Variants in FOXP2 observed in about 807,000 individuals in gnomAD.
The protein encoded by FOXP2 is forkhead box protein P2.
A neutral mutation model predicts 115.8 loss-of-function variants in FOXP2; 12 were observed. That is an observed-to-expected ratio of 0.10 (90% CI 0.07 to 0.17). The LOEUF is 0.17. Ranked by LOEUF, FOXP2 falls within the 10% of genes least tolerant of loss-of-function variation. The probability of loss-of-function intolerance (pLI) is 1.00; values close to 1 mark genes in which losing one functional copy is unlikely to be tolerated. For synonymous variants in FOXP2, 328 were observed against 297.7 expected, an observed-to-expected ratio of 1.10 and a Z score of -1.05; for missense variants, 629 against 843.5, an observed-to-expected ratio of 0.75 and a Z score of 3.15.
chr7:114,541,637 A>AATAGGG (rs1371056970), intron 3 of FOXP2, among the ~76,000 whole-genome samples: 1 of 151,906 alleles, frequency 6.6e-6, no homozygotes, highest in Non-Finnish European at 1.5e-5. Flanking sequence ...ATAAATAGAA[A>AATAGGG]ATAGGGAATT....
At chr7:114,587,186 C>T (rs1802182412) in intron 3 of FOXP2, among the ~76,000 whole-genome samples, 1 of 151,868 alleles carries the variant, frequency 6.6e-6, no homozygotes, top group African/African-American at 2.4e-5. Context: ...GTTTTAAGAC[C>T]TGCATGCATT....
chr7:114,622,136 G>T lies in FOXP2; in HGVS notation c.259-6404G>T, dbSNP rs146658573. ...CAGTGTAAAGCGCAAAAAGCTGAGA[G>T]ACTGTAATATCTGAGGTTCTACTGT... On this transcript the variant is annotated intron_variant, in intron 3 of 16. Coordinates refer to ENST00000350908, the MANE Select transcript of FOXP2 (RefSeq NM_014491.4). 5.8e-3 allele frequency among the ~76,000 whole-genome samples: 880 copies of T among 152,026 alleles called. 7 individuals carry two copies. The highest frequency in any genetic ancestry group is 0.02 in the African/African-American group (816 of 41,512).
chr7:114,550,984 T>G (rs1800177579), intron 3 of FOXP2, among the ~76,000 whole-genome samples: 1 of 152,022 alleles, frequency 6.6e-6, no homozygotes, highest in Non-Finnish European at 1.5e-5. Flanking sequence ...TAATAAATCT[T>G]TTTTTCTACC....
chr7:114,146,943 A>T (rs1479165904), intron 1 of FOXP2, among the ~76,000 whole-genome samples: 1 of 152,210 alleles, frequency 6.6e-6, no homozygotes, highest in East Asian at 1.9e-4. Context: ...TGTTGTGGTA[A>T]CCAGTTGTAT....
intron 2 of FOXP2, among the ~76,000 whole-genome samples, chr7:114,428,234 G>C (rs1793955738): frequency 6.6e-6 from 1 of 151,548 alleles, no homozygotes; most frequent in South Asian, 2.1e-4. Flanking sequence ...AGTATCAGTA[G>C]ATGATAGGTT....
At chr7:114,092,564 G>A (rs1301325435) in intron 1 of FOXP2, among the ~76,000 whole-genome samples, 6 of 151,680 alleles carry the variant, frequency 4.0e-5, no homozygotes, top group Admixed American at 1.3e-4. Context: ...TTTAGGGGTA[G>A]GAAAAAATCA....
At chr7:114,321,605 G>T (rs973893527) in intron 2 of FOXP2, among the ~76,000 whole-genome samples, 1 of 152,050 alleles carries the variant, frequency 6.6e-6, no homozygotes, top group African/African-American at 2.4e-5. Context: ...TAATCCCAAG[G>T]CATTATTCTC....
intron 1 of FOXP2, among the ~76,000 whole-genome samples, chr7:114,175,567 C>T (rs555730691): frequency 2.5e-4 from 38 of 152,202 alleles, no homozygotes; most frequent in Non-Finnish European, 4.7e-4. Flanking sequence ...TAAAAGCTCT[C>T]ACATTTTTGT....
intron 3 of FOXP2, among the ~76,000 whole-genome samples, chr7:114,578,392 T>G (rs189715107): frequency 3.9e-4 from 59 of 152,138 alleles, no homozygotes; most frequent in Middle Eastern, 3.4e-3. Flanking sequence ...GTATTAGAGC[T>G]AAAAGGGGCC....
chr7:114,677,778 C>G (rs991589288), intron 16 of FOXP2, among the ~76,000 whole-genome samples: 1 of 152,178 alleles, frequency 6.6e-6, no homozygotes, highest in Non-Finnish European at 1.5e-5. Context: ...GCCTGTAAAA[C>G]GGTGAGATTA....
At chr7:114,654,412 A>G (rs576694460) in intron 10 of FOXP2, among the ~76,000 whole-genome samples, 8 of 152,328 alleles carry the variant, frequency 5.3e-5, no homozygotes, top group African/African-American at 1.9e-4. Context: ...CATAAGATAC[A>G]TATAAATAGA....
intron 2 of FOXP2, among the ~76,000 whole-genome samples, chr7:114,406,107 A>AAC (rs375304062): frequency 0.51 from 77,835 of 151,412 alleles, 20,477 homozygotes; most frequent in East Asian, 0.63. Context: ...AACAAATTTT[A>AAC]AGATTTTAAG....
At chr7:114,664,664 G>T in intron 16 of FOXP2, 1 of 547,674 alleles carries the variant, frequency 1.8e-6, no homozygotes, top group Non-Finnish European at 3.3e-6. Flanking sequence ...GTCCTCTACA[G>T]ATTCTTAGTA....
intron 1 of FOXP2, among the ~76,000 whole-genome samples, chr7:114,128,107 A>T (rs1791768021): frequency 6.6e-6 from 1 of 152,196 alleles, no homozygotes; most frequent in Admixed American, 6.5e-5. Flanking sequence ...ATGATCAGAG[A>T]TCTGCATGTG....
chr7:114,350,005 TA>T (rs1280047248), intron 2 of FOXP2, among the ~76,000 whole-genome samples: 1 of 152,088 alleles, frequency 6.6e-6, no homozygotes, highest in Non-Finnish European at 1.5e-5. Flanking sequence ...AAAATAGCTT[TA>T]AAAGTCACTA....
rs544713701 is a variant in FOXP2, at chr7:114,324,863, T to C, written c.-11+36754T>C. Among the ~76,000 whole-genome samples, 31 of 152,060 alleles carry C rather than the reference T, an allele frequency of 2.0e-4. 1 individual carries two copies. The South Asian group carries it at 6.4e-3, about 31-fold the overall frequency. On this transcript the variant is annotated intron_variant, in intron 2 of 17. Transcript: ENST00000634411. ...AAAAAGGGATTTATATGTTTTATTTTCTTTTTAAAAAATCCAGTTCCTTTG... is the reference window on the plus strand; with the variant it reads ...AAAAAGGGATTTATATGTTTTATTTCCTTTTTAAAAAATCCAGTTCCTTTG...
chr7:114,461,408 A>G (rs371907127), intron 2 of FOXP2, among the ~76,000 whole-genome samples: 8 of 151,890 alleles, frequency 5.3e-5, no homozygotes, highest in African/African-American at 1.7e-4. Context: ...CCTTATTTCT[A>G]GGATATTTAT....
At chr7:114,610,511 A>T (rs1484570017) in intron 3 of FOXP2, among the ~76,000 whole-genome samples, 1 of 152,190 alleles carries the variant, frequency 6.6e-6, no homozygotes, top group Non-Finnish European at 1.5e-5. Flanking sequence ...TTGTACATAC[A>T]TGTATATATA....
chr7:114,390,261 A>G (rs943829302), intron 2 of FOXP2, among the ~76,000 whole-genome samples: 1 of 152,108 alleles, frequency 6.6e-6, no homozygotes, highest in Non-Finnish European at 1.5e-5. Context: ...AACAAAATGT[A>G]TCAAAGTTAT....
Sources: allele counts gnomAD v4.1 joint callset (sites outside exome capture counted in the v4.1 genomes callset), GRCh38; gene constraint gnomAD v4.1.1; transcripts MANE v1.5; gene names NCBI Gene and HGNC (gene_info 2026-07-23, HGNC 2026-07-21).